The following SLC2A9 variants were observed in gnomAD, a reference collection of about 807,000 sequenced individuals.
SLC2A9 encodes the protein solute carrier family 2 member 9.
A neutral mutation model predicts 50.6 loss-of-function variants in SLC2A9; 39 were observed. That is an observed-to-expected ratio of 0.77 (90% CI 0.60 to 1.01). The LOEUF is 1.01. Among genes scored for constraint, SLC2A9 ranks in the 50% least tolerant of loss-of-function variants. SLC2A9 has a pLI of 0.00. For synonymous variants in SLC2A9, 324 were observed against 276.9 expected (o/e 1.17, Z -1.69); for missense variants, 686 against 677.6 (o/e 1.01, Z -0.14).
chr4:10,027,172 G>T (rs776615179), intron 1 of SLC2A9, among the ~76,000 whole-genome samples: 1 of 152,194 alleles, frequency 6.6e-6, no homozygotes, highest in Non-Finnish European at 1.5e-5. Context: ...CAGGACTGGG[G>T]GAAGGGGCAG....
chr4:9,897,673 G>A (rs1440827786), intron 8 of SLC2A9, among the ~76,000 whole-genome samples: 1 of 152,064 alleles, frequency 6.6e-6, no homozygotes, highest in Non-Finnish European at 1.5e-5. Context: ...GATTACTTGA[G>A]GTCAGGAGTT....
At chr4:9,834,554 T>G (rs1347683570) in intron 11 of SLC2A9, among the ~76,000 whole-genome samples, 3 of 152,112 alleles carry the variant, frequency 2.0e-5, no homozygotes, top group Admixed American at 1.3e-4. Context: ...TAGATGGAAT[T>G]TGTCTTACAC....
chr4:10,030,608 C>T, intron 1 of SLC2A9, among the ~76,000 whole-genome samples: 1 of 152,032 alleles, frequency 6.6e-6, no homozygotes, highest in Admixed American at 6.6e-5. Flanking sequence ...ATCTCTGTAC[C>T]TTCCTCATAA....
At position 10,015,025 on chromosome 4, in the gene SLC2A9, T is replaced by C. The variant is rs141286214; in HGVS notation, c.249+3950A>G. On this transcript the variant is annotated intron_variant, in intron 2 of 11. Transcript: ENST00000264784. The stretch of plus-strand genomic sequence containing the variant: ...AGTTAGATCAGGTCCTTTATGAGAA[T>C]TGCTCTATGAGAACCCCGAGGGAGG... 4.0e-3 allele frequency among the ~76,000 whole-genome samples: 605 copies of C among 152,282 alleles called. 2 individuals carry two copies. Among genetic ancestry groups the C allele is most frequent in the African/African-American group, 0.014 (579 of 41,548 alleles).
chr4:9,924,670 C>G (rs932948180), intron 6 of SLC2A9, among the ~76,000 whole-genome samples: 9 of 152,222 alleles, frequency 5.9e-5, no homozygotes, highest in African/African-American at 2.2e-4. Flanking sequence ...CATTTCCCAG[C>G]TGGGCAAGTG....
intron 7 of SLC2A9, among the ~76,000 whole-genome samples, chr4:9,911,484 T>C (rs1445842684): frequency 6.6e-6 from 1 of 152,178 alleles, no homozygotes; most frequent in African/African-American, 2.4e-5. Flanking sequence ...TAAGAGTGCA[T>C]CCTGCCCCGG....
chr4:9,892,278 T>C (rs976542195), intron 8 of SLC2A9, among the ~76,000 whole-genome samples: 1 of 152,302 alleles, frequency 6.6e-6, no homozygotes, highest in African/African-American at 2.4e-5. Context: ...TGGGCATGAA[T>C]GTTGAGGGGA....
intron 2 of SLC2A9, among the ~76,000 whole-genome samples, chr4:9,997,729 CAA>C (rs34082587): frequency 0.25 from 34,866 of 139,512 alleles, 4,635 homozygotes; most frequent in African/African-American, 0.37. Flanking sequence ...ACATACCTAA[CAA>C]AAAAAAAATA....
intron 3 of SLC2A9, among the ~76,000 whole-genome samples, chr4:9,995,051 T>G (rs1372257668): frequency 6.6e-6 from 1 of 152,160 alleles, no homozygotes; most frequent in Non-Finnish European, 1.5e-5. Flanking sequence ...AACTAAGATC[T>G]GCTTGGCATA....
At chr4:9,970,986 C>T (rs570970278) in intron 5 of SLC2A9, among the ~76,000 whole-genome samples, 3 of 152,286 alleles carry the variant, frequency 2.0e-5, no homozygotes, top group South Asian at 4.1e-4. Flanking sequence ...ATGCAGCCCC[C>T]GTCATGTACC....
chr4:9,963,238 G>C (rs1377993618), intron 5 of SLC2A9, among the ~76,000 whole-genome samples: 2 of 152,146 alleles, frequency 1.3e-5, no homozygotes, highest in Non-Finnish European at 2.9e-5. Context: ...ACAGTATAGG[G>C]GAAAGCACCA....
In SLC2A9 at chr4:9,802,347, C is replaced by T. The variant is rs78105570; in HGVS notation, n.421-3106G>A. Among the ~76,000 whole-genome samples the T allele has an allele frequency of 3.4e-3, 511 of 150,710 alleles. 4 individuals carry two copies. Among genetic ancestry groups the T allele is most frequent in the African/African-American group, 0.011 (466 of 41,032 alleles). On this transcript the variant is annotated intron_variant and non_coding_transcript_variant, in intron 3 of 3. Transcript: ENST00000503280. ...AGTAGTGACCTGTGGATCCTGGCAA[C>T]GTGGAAAATACAATGTTGGGTCTGC...
At chr4:9,801,260 A>T (rs1379031227) in intron 3 of SLC2A9, among the ~76,000 whole-genome samples, 1 of 152,128 alleles carries the variant, frequency 6.6e-6, no homozygotes, top group Non-Finnish European at 1.5e-5. Context: ...CTGATCACAC[A>T]CATGTGAGCA....
chr4:9,808,945 A>G (rs6823949), intron 3 of SLC2A9, among the ~76,000 whole-genome samples: 2,469 of 152,288 alleles, frequency 0.016, 75 homozygotes, highest in African/African-American at 0.056. Context: ...TTCTTTCTTG[A>G]ATCAGACATC....
chr4:9,777,523 G>T (rs543587443), downstream of SLC2A9, among the ~76,000 whole-genome samples: 24 of 144,890 alleles, frequency 1.7e-4, no homozygotes, highest in South Asian at 4.8e-3. Context: ...GAAAGTCAGG[G>T]GGACTGGAAC....
chr4:9,998,306 G>A (rs1030856299), intron 2 of SLC2A9, among the ~76,000 whole-genome samples: 1 of 150,756 alleles, frequency 6.6e-6, no homozygotes, highest in Non-Finnish European at 1.5e-5. Flanking sequence ...TTAGGTTCAG[G>A]TCGCTCAGAC....
chr4:9,886,190 C>T (rs1300029647), intron 10 of SLC2A9, among the ~76,000 whole-genome samples: 1 of 152,228 alleles, frequency 6.6e-6, no homozygotes, highest in African/African-American at 2.4e-5. Flanking sequence ...GTCTGGTTTG[C>T]TCACGCATGT....
At chr4:9,834,424 T>G (rs980664263) in intron 11 of SLC2A9, among the ~76,000 whole-genome samples, 5 of 152,190 alleles carry the variant, frequency 3.3e-5, no homozygotes, top group African/African-American at 1.2e-4. Context: ...TTCTTGAGTA[T>G]GTGGGCATTT....
chr4:9,948,211 C>T (rs747783390), intron 5 of SLC2A9, among the ~76,000 whole-genome samples: 4 of 152,178 alleles, frequency 2.6e-5, no homozygotes, highest in Admixed American at 6.5e-5. Context: ...GCAAGCCCTC[C>T]TCTCATTCAT....
Sources: gnomAD v4.1 joint callset for allele counts (sites outside exome capture counted in the v4.1 genomes callset) on GRCh38, gnomAD v4.1.1 for gene constraint, MANE v1.5 for transcripts, NCBI Gene and HGNC (gene_info 2026-07-23, HGNC 2026-07-21) for gene names.